PPP4R4: variants seen among roughly 807,000 people sequenced by gnomAD.
The protein encoded by PPP4R4 is serine/threonine-protein phosphatase 4 regulatory subunit 4.
A neutral mutation model predicts 121.8 loss-of-function variants in PPP4R4; 70 were observed. The observed-to-expected ratio is 0.57, with a 90% CI of 0.47 to 0.70. The LOEUF (loss-of-function observed/expected upper bound fraction) is 0.70, where lower values mean the gene tolerates loss of function less well. Among genes scored for constraint, PPP4R4 ranks in the 30% least tolerant of loss-of-function variants. The probability of loss-of-function intolerance (pLI) is 0.00; values close to 1 mark genes in which losing one functional copy is unlikely to be tolerated. For missense variants in PPP4R4, 875 were observed against 1,033.6 expected (o/e 0.85, Z 2.10); for synonymous variants, 348 against 355.7 (o/e 0.98, Z 0.24).
chr14:94,174,444 C>G lies in PPP4R4; in HGVS notation c.-22C>G. 1 of 1,553,874 alleles carries G rather than the reference C, an allele frequency of 6.4e-7. No individual in the cohort carries two copies. The highest frequency in any genetic ancestry group is 1.2e-5 in the South Asian group (1 of 85,052). On this transcript the variant is annotated 5_prime_UTR_variant, in exon 1 of 25. Coordinates refer to ENST00000304338, the MANE Select transcript of PPP4R4 (RefSeq NM_058237.2). ...CATCCCGGGGCCGCTCCGGCCCGGG[C>G]GGCGAGAGTGCCCGGCGGTCCATGC...
chr14:94,224,979 A>G lies in PPP4R4; in HGVS notation c.295-5608A>G, dbSNP rs1206253586. Among the ~76,000 whole-genome samples the G allele has an allele frequency of 3.9e-5, 6 of 152,310 alleles. No individual in the cohort carries two copies. In the East Asian group the frequency reaches 9.6e-4, roughly 24 times the overall value. On this transcript the variant is annotated intron_variant, in intron 3 of 24. Coordinates refer to ENST00000304338, the MANE Select transcript of PPP4R4 (RefSeq NM_058237.2). Reference sequence around the variant, plus strand: ...TAATTTTAGGTTCTTGATTACTTCTAACGTATTGTTAGAAAACAATCAGTT... The same window carrying G: ...TAATTTTAGGTTCTTGATTACTTCTGACGTATTGTTAGAAAACAATCAGTT...
chr14:94,222,959 T>C (rs1891498251), intron 3 of PPP4R4, among the ~76,000 whole-genome samples: 1 of 152,180 alleles, frequency 6.6e-6, no homozygotes, highest in Non-Finnish European at 1.5e-5. Flanking sequence ...TTGTGATTCA[T>C]TGGTGTTTTA....
intron 7 of PPP4R4, among the ~76,000 whole-genome samples, chr14:94,235,689 G>T (rs1055110827): frequency 1.3e-5 from 2 of 151,948 alleles, no homozygotes; most frequent in African/African-American, 4.8e-5. Context: ...GTGAGCCACC[G>T]CGCCCAGCTG....
chr14:94,203,397 T>C (rs762790540), intron 2 of PPP4R4, among the ~76,000 whole-genome samples: 2 of 152,212 alleles, frequency 1.3e-5, no homozygotes, highest in Admixed American at 6.5e-5. Context: ...TTTTTATTGC[T>C]GAGTAGCATT....
At chr14:94,233,297 A>ATACATATATG (rs1216155576) in intron 5 of PPP4R4, among the ~76,000 whole-genome samples, 2 of 152,226 alleles carry the variant, frequency 1.3e-5, no homozygotes, top group African/African-American at 4.8e-5. Context: ...ATAAAAATTA[A>ATACATATATG]TCTATATGGA....
Position 94,256,459 on chromosome 14 carries a change from G to T in PPP4R4, c.1866-1G>T. On this transcript the variant is annotated splice_acceptor_variant, in intron 16 of 24. Coordinates refer to ENST00000304338, the MANE Select transcript of PPP4R4 (RefSeq NM_058237.2). LOFTEE classifies it high-confidence loss of function. ...CAAGAGTAAATACTATTTTATTGTAGAATGAAACTTTGCTACCTGTTGCCC... is the reference window on the plus strand; with the variant it reads ...CAAGAGTAAATACTATTTTATTGTATAATGAAACTTTGCTACCTGTTGCCC... 6.3e-7 allele frequency: 1 copy of T among 1,579,554 alleles called. No homozygotes were observed. The highest frequency in any genetic ancestry group is 8.6e-7 in the Non-Finnish European group (1 of 1,156,784).
At chr14:94,202,102 A>G (rs1011100628) in intron 2 of PPP4R4, among the ~76,000 whole-genome samples, 3 of 152,138 alleles carry the variant, frequency 2.0e-5, no homozygotes, top group African/African-American at 4.8e-5. Flanking sequence ...GAGCTAAGCT[A>G]TGAGGACGCA....
At chr14:94,235,716 AT>A (rs1162047783) in intron 7 of PPP4R4, among the ~76,000 whole-genome samples, 3 of 151,848 alleles carry the variant, frequency 2.0e-5, no homozygotes, top group Non-Finnish European at 4.4e-5. Context: ...CCCTTGTTCT[AT>A]GGGTGCCTGA....
chr14:94,195,368 C>A (rs140577930), intron 2 of PPP4R4, among the ~76,000 whole-genome samples: 19 of 152,306 alleles, frequency 1.2e-4, no homozygotes, highest in African/African-American at 4.1e-4. Flanking sequence ...CCGACACATG[C>A]TGAAGTTTGA....
chr14:94,174,691 G>T, intron 1 of PPP4R4, 109 bp downstream of exon 1: 1 of 1,459,506 alleles, frequency 6.9e-7, no homozygotes, highest in Non-Finnish European at 9.1e-7. Context: ...CCGGGCCGCC[G>T]GGACCCTCTC....
At chr14:94,257,711 A>G (rs187204244) in intron 17 of PPP4R4, among the ~76,000 whole-genome samples, 15 of 151,692 alleles carry the variant, frequency 9.9e-5, no homozygotes, top group African/African-American at 3.6e-4. Context: ...CTTACTATTT[A>G]ATATTTAAGT....
intron 2 of PPP4R4, among the ~76,000 whole-genome samples, chr14:94,193,678 G>T (rs1889720044): frequency 6.6e-6 from 1 of 152,076 alleles, no homozygotes; most frequent in South Asian, 2.1e-4. Flanking sequence ...AGGTTAATAG[G>T]TTAGAAATGT....
chr14:94,181,279 CAT>C (rs1402849302), intron 2 of PPP4R4, among the ~76,000 whole-genome samples: 2 of 151,944 alleles, frequency 1.3e-5, no homozygotes, highest in African/African-American at 4.8e-5. Flanking sequence ...AGAGAGATCA[CAT>C]TTGTGTTGTG....
At chr14:94,198,169 C>T (rs1170015185) in intron 2 of PPP4R4, among the ~76,000 whole-genome samples, 1 of 152,092 alleles carries the variant, frequency 6.6e-6, no homozygotes, top group Non-Finnish European at 1.5e-5. Context: ...TGTGAAAGGA[C>T]CATTACTCCT....
At chr14:94,234,747 A>T in intron 7 of PPP4R4, 78 bp downstream of exon 7, 1 of 1,040,222 alleles carries the variant, frequency 9.6e-7, no homozygotes, top group Non-Finnish European at 1.5e-6. Flanking sequence ...TTTAAAAATG[A>T]TCATAACAAG....
At chr14:94,265,675 A>G in intron 21 of PPP4R4, 119 bp from the exon 22 acceptor site, 1 of 866,610 alleles carries the variant, frequency 1.2e-6, no homozygotes, top group Non-Finnish European at 1.8e-6. Flanking sequence ...CAAATTAAGG[A>G]AAAAAGGCTA....
At chr14:94,252,077 A>T (rs1420249403) in intron 16 of PPP4R4, among the ~76,000 whole-genome samples, 181 bp downstream of exon 16, 1 of 152,168 alleles carries the variant, frequency 6.6e-6, no homozygotes, top group Non-Finnish European at 1.5e-5. Context: ...TACTCTTTCA[A>T]CACTGTCTCA....
chr14:94,214,283 G>T (rs1410348958), intron 3 of PPP4R4, among the ~76,000 whole-genome samples: 4 of 152,178 alleles, frequency 2.6e-5, no homozygotes, highest in African/African-American at 9.6e-5. Flanking sequence ...GCTGATTTAT[G>T]TTCGAGAGAG....
intron 12 of PPP4R4, 37 bp downstream of exon 12, chr14:94,244,749 A>G (rs1320656935): frequency 6.9e-7 from 1 of 1,454,114 alleles, no homozygotes; most frequent in Non-Finnish European, 9.2e-7. Context: ...TAATTCTTTT[A>G]TGTTTGGTCC....
Sources: gnomAD v4.1 joint callset for allele counts (sites outside exome capture counted in the v4.1 genomes callset) on GRCh38, gnomAD v4.1.1 for gene constraint, MANE v1.5 for transcripts, NCBI Gene and HGNC (gene_info 2026-07-23, HGNC 2026-07-21) for gene names.